The following RASGRF2 variants were observed in gnomAD, a reference collection of about 807,000 sequenced individuals.
RASGRF2 encodes Ras protein specific guanine nucleotide releasing factor 2, also known as ras-specific guanine nucleotide-releasing factor 2.
Under a neutral mutation model 151.0 loss-of-function variants are expected in RASGRF2, and 76 were observed. The ratio of observed to expected loss-of-function variants is 0.50; its 90% CI spans 0.42 to 0.61. RASGRF2 has a LOEUF of 0.61. Ranked by LOEUF, RASGRF2 falls within the 20% of genes least tolerant of loss-of-function variation. The probability of loss-of-function intolerance (pLI) is 0.00; values close to 1 mark genes in which losing one functional copy is unlikely to be tolerated. For synonymous variants in RASGRF2, 504 were observed against 566.5 expected, an observed-to-expected ratio of 0.89 and a Z score of 1.57; for missense variants, 1,148 against 1,564.6, an observed-to-expected ratio of 0.73 and a Z score of 4.49.
At chr5:80,995,693 C>CCTTTTTTTTTTTTTTTTTTTTTT (rs58481061) in intron 1 of RASGRF2, among the ~76,000 whole-genome samples, 1 of 97,336 alleles carries the variant, frequency 1.0e-5, no homozygotes. Flanking sequence ...TTCCCCCCCC[C>CCTTTTTTTTTTTTTTTTTTTTTT]TTTTTTTTTT....
chr5:81,013,542 C>A (rs565037813), intron 1 of RASGRF2, among the ~76,000 whole-genome samples: 1 of 151,930 alleles, frequency 6.6e-6, no homozygotes, highest in Non-Finnish European at 1.5e-5. Flanking sequence ...CAATCAAATC[C>A]TCTCTTGAAT....
intron 16 of RASGRF2, among the ~76,000 whole-genome samples, chr5:81,124,996 T>G (rs1001699880): frequency 6.6e-6 from 1 of 152,122 alleles, no homozygotes; most frequent in African/African-American, 2.4e-5. Context: ...CAAGTGATTC[T>G]CCTGCCTCAG....
At chr5:81,192,583 C>T (rs557178889) in intron 18 of RASGRF2, among the ~76,000 whole-genome samples, 9 of 152,328 alleles carry the variant, frequency 5.9e-5, no homozygotes, top group African/African-American at 1.9e-4. Flanking sequence ...GCAAGGCGAG[C>T]GGGTCCCCTG....
intron 1 of RASGRF2, among the ~76,000 whole-genome samples, chr5:80,969,016 A>G (rs1299700018): frequency 6.6e-6 from 1 of 151,688 alleles, no homozygotes; most frequent in Non-Finnish European, 1.5e-5. Context: ...TCATGGTGTA[A>G]AGTGTTTTCA....
chr5:80,970,760 A>G (rs1293929557), intron 1 of RASGRF2, among the ~76,000 whole-genome samples: 3 of 152,236 alleles, frequency 2.0e-5, no homozygotes, highest in Non-Finnish European at 4.4e-5. Context: ...AGCAGGGGCT[A>G]TGGACGAGGG....
intron 1 of RASGRF2, among the ~76,000 whole-genome samples, chr5:81,035,156 A>T (rs1309465482): frequency 2.0e-5 from 3 of 152,248 alleles, no homozygotes; most frequent in East Asian, 3.9e-4. Flanking sequence ...TAAAGACACA[A>T]GCACACGTAT....
chr5:81,086,029 T>G (rs1752219458), intron 8 of RASGRF2, 118 bp downstream of exon 8: 3 of 1,472,224 alleles, frequency 2.0e-6, no homozygotes, highest in Admixed American at 4.7e-5. Context: ...GCTTCTCAGA[T>G]TCACCTGAAA....
intron 12 of RASGRF2, among the ~76,000 whole-genome samples, chr5:81,096,695 C>T (rs1175650314): frequency 6.6e-6 from 1 of 151,974 alleles, no homozygotes; most frequent in Admixed American, 6.5e-5. Flanking sequence ...AGAGAAAGAC[C>T]CTTGGAGTGC....
intron 1 of RASGRF2, among the ~76,000 whole-genome samples, chr5:81,016,028 T>C (rs1007028569): frequency 2.0e-5 from 3 of 152,156 alleles, no homozygotes; most frequent in African/African-American, 7.2e-5. Flanking sequence ...ATGGTGACAA[T>C]GGCGACTGAA....
chr5:80,975,604 A>G (rs1467292046), intron 1 of RASGRF2, among the ~76,000 whole-genome samples: 1 of 152,194 alleles, frequency 6.6e-6, no homozygotes, highest in African/African-American at 2.4e-5. Context: ...ATTGCTGAAC[A>G]TTGTACATTT....
At chr5:80,976,916 G>T (rs1250211183) in intron 1 of RASGRF2, among the ~76,000 whole-genome samples, 2 of 152,178 alleles carry the variant, frequency 1.3e-5, no homozygotes, top group African/African-American at 4.8e-5. Context: ...CCACACATTG[G>T]CAAACTGCAA....
intron 18 of RASGRF2, among the ~76,000 whole-genome samples, chr5:81,195,510 C>A (rs1755243695): frequency 6.6e-6 from 1 of 151,594 alleles, no homozygotes; most frequent in Non-Finnish European, 1.5e-5. Flanking sequence ...AAAATAAAAT[C>A]ATTCTAGGTA....
At chr5:81,029,034 C>T (rs563288927) in intron 1 of RASGRF2, among the ~76,000 whole-genome samples, 55 of 152,338 alleles carry the variant, frequency 3.6e-4, no homozygotes, top group African/African-American at 1.3e-3. Context: ...CCCATGCCCA[C>T]GGAGCCTCGC....
chr5:81,088,655 TG>T (rs1309110780), intron 9 of RASGRF2: 1 of 152,046 alleles, frequency 6.6e-6, no homozygotes, highest in Non-Finnish European at 1.5e-5. Context: ...TGATAGTATG[TG>T]AGAATGGAGA....
intron 1 of RASGRF2, among the ~76,000 whole-genome samples, chr5:80,984,909 C>T (rs1331719154): frequency 1.3e-5 from 2 of 152,102 alleles, no homozygotes; most frequent in African/African-American, 4.8e-5. Context: ...TGAATTTGTA[C>T]TTTTAAGAGT....
At chr5:81,038,447 A>G (rs968162117) in intron 1 of RASGRF2, among the ~76,000 whole-genome samples, 2 of 152,130 alleles carry the variant, frequency 1.3e-5, no homozygotes, top group African/African-American at 4.8e-5. Flanking sequence ...TTATGAGTAC[A>G]ATTAAATGTC....
At chr5:81,174,738 A>T (rs573586405) in intron 17 of RASGRF2, among the ~76,000 whole-genome samples, 10 of 152,344 alleles carry the variant, frequency 6.6e-5, no homozygotes, top group Non-Finnish European at 1.2e-4. Flanking sequence ...ATTGTCACAT[A>T]AGAAATGTGA....
At chr5:81,089,059 G>A (rs1401564409) in intron 9 of RASGRF2, among the ~76,000 whole-genome samples, 2 of 152,116 alleles carry the variant, frequency 1.3e-5, no homozygotes, top group Non-Finnish European at 2.9e-5. Flanking sequence ...AGTAAAGTTG[G>A]TTTCTAAAAT....
At chr5:81,156,593 C>T (rs1030044182) in intron 17 of RASGRF2, among the ~76,000 whole-genome samples, 8 of 151,880 alleles carry the variant, frequency 5.3e-5, no homozygotes, top group African/African-American at 9.7e-5. Flanking sequence ...TGATAAAAAC[C>T]GTATGATTAT....
Sources: gnomAD v4.1 joint callset for allele counts (sites outside exome capture counted in the v4.1 genomes callset) on GRCh38, gnomAD v4.1.1 for gene constraint, MANE v1.5 for transcripts, NCBI Gene and HGNC (gene_info 2026-07-23, HGNC 2026-07-21) for gene names.